AFF2: variants seen among roughly 807,000 people sequenced by gnomAD.
The protein encoded by AFF2 is AF4/FMR2 family member 2.
Under a neutral mutation model 76.9 loss-of-function variants are expected in AFF2, and 14 were observed. The ratio of observed to expected loss-of-function variants is 0.18; its 90% confidence interval spans 0.12 to 0.28. The LOEUF is 0.28. Ranked by LOEUF, AFF2 falls within the 10% of genes least tolerant of loss-of-function variation. AFF2 has a pLI of 1.00. For missense variants in AFF2, 868 were observed against 1,001.1 expected, an observed-to-expected ratio of 0.87 and a Z score of 1.79; for synonymous variants, 398 against 366.7, an observed-to-expected ratio of 1.09 and a Z score of -0.98.
chrX:148,755,808 G>T (rs931215189), intron 3 of AFF2, among the ~76,000 whole-genome samples: 6 of 111,168 alleles, frequency 5.4e-5, no homozygotes, highest in African/African-American at 2.0e-4. Context: ...CATAAATTTT[G>T]CTTGGAACAC....
chrX:148,975,535 A>T (rs781883554), intron 16 of AFF2, among the ~76,000 whole-genome samples: 1 of 112,135 alleles, frequency 8.9e-6, no homozygotes, highest in South Asian at 3.7e-4. Flanking sequence ...ATCTGAACCA[A>T]ACTGGAAGGG....
At chrX:148,732,047 C>T (rs2055226506) in intron 3 of AFF2, among the ~76,000 whole-genome samples, 1 of 69,095 alleles carries the variant, frequency 1.4e-5, no homozygotes, top group Admixed American at 1.5e-4. Context: ...CTAGAAATAC[C>T]ATTTGACCCA....
intron 7 of AFF2, among the ~76,000 whole-genome samples, chrX:148,871,708 G>C (rs2070978473): frequency 9.0e-6 from 1 of 111,175 alleles, no homozygotes; most frequent in Non-Finnish European, 1.9e-5. Flanking sequence ...CCTCAGGTTT[G>C]GAAATTCCAA....
chrX:148,760,838 G>C (rs782597070), intron 3 of AFF2, among the ~76,000 whole-genome samples: 34 of 111,855 alleles, frequency 3.0e-4, no homozygotes, highest in Non-Finnish European at 5.5e-4. Flanking sequence ...CATGTCCTTA[G>C]AATATAACTA....
intron 9 of AFF2, among the ~76,000 whole-genome samples, chrX:148,932,972 G>A (rs1032668193): frequency 5.3e-5 from 6 of 112,264 alleles, no homozygotes; most frequent in African/African-American, 1.9e-4. Flanking sequence ...CAATATGAAA[G>A]TTTAATGATA....
chrX:148,895,893 C>T (rs782383828), intron 8 of AFF2, among the ~76,000 whole-genome samples: 2 of 111,143 alleles, frequency 1.8e-5, no homozygotes, highest in Admixed American at 9.5e-5. Flanking sequence ...ATTTCTTCTC[C>T]CAGCCCTCAC....
intron 3 of AFF2, among the ~76,000 whole-genome samples, chrX:148,733,220 A>G (rs984539757): frequency 2.7e-5 from 3 of 111,606 alleles, no homozygotes; most frequent in Non-Finnish European, 5.6e-5. Flanking sequence ...GCTTGGCGTT[A>G]TGTGTTAAGA....
intron 1 of AFF2, among the ~76,000 whole-genome samples, chrX:148,579,940 C>T (rs983834529): frequency 3.6e-5 from 4 of 111,394 alleles, no homozygotes; most frequent in Non-Finnish European, 7.5e-5. Context: ...GGAGGTAGGT[C>T]AGCGTCTCTT....
At chrX:148,877,931 C>T (rs1474246857) in intron 7 of AFF2, among the ~76,000 whole-genome samples, 4 of 111,859 alleles carry the variant, frequency 3.6e-5, no homozygotes, top group African/African-American at 6.5e-5. Context: ...TAGGAGCTGA[C>T]GTGAAGAGAT....
intron 1 of AFF2, among the ~76,000 whole-genome samples, chrX:148,535,463 T>G (rs1557236444): frequency 9.0e-6 from 1 of 111,530 alleles, no homozygotes; most frequent in Non-Finnish European, 1.9e-5. Flanking sequence ...CATCTATACC[T>G]CCCACCAGTA....
intron 9 of AFF2, among the ~76,000 whole-genome samples, chrX:148,950,885 A>G (rs952631946): frequency 9.0e-6 from 1 of 111,600 alleles, no homozygotes; most frequent in Non-Finnish European, 1.9e-5. Context: ...GAGAACCAAT[A>G]TTTTTTCTAA....
chrX:148,759,646 A>G lies in AFF2; in HGVS notation c.1042-50230A>G, dbSNP rs142123137. Among the ~76,000 whole-genome samples, 754 of 112,278 alleles carry G rather than the reference A, an allele frequency of 6.7e-3. 3 individuals carry two copies. The highest frequency in any genetic ancestry group is 0.023 in the African/African-American group (713 of 30,937). On this transcript the variant is annotated intron_variant, in intron 3 of 20. Transcript: ENST00000370460. ...GCAAGCATGGTGTTGATTTTAAATC[A>G]CAGTCAGAGAAATTGGGGCTGGACA...
At chrX:148,751,553 T>C (rs1424856837) in intron 3 of AFF2, among the ~76,000 whole-genome samples, 1 of 111,989 alleles carries the variant, frequency 8.9e-6, no homozygotes, top group East Asian at 2.8e-4. Flanking sequence ...AGAAAGCACA[T>C]TACAGGATAA....
At chrX:148,689,542 G>A (rs782754302) in intron 3 of AFF2, among the ~76,000 whole-genome samples, 1 of 110,649 alleles carries the variant, frequency 9.0e-6, no homozygotes, top group Non-Finnish European at 1.9e-5. Flanking sequence ...ACCACTCCTG[G>A]GCAATGAGTT....
intron 3 of AFF2, among the ~76,000 whole-genome samples, chrX:148,700,407 G>C (rs1216622196): frequency 3.2e-5 from 3 of 94,992 alleles, no homozygotes; most frequent in African/African-American, 7.6e-5. Context: ...CAAAGGAAGG[G>C]AGTACTGTTG....
At chrX:148,932,113 T>C (rs782413867) in intron 9 of AFF2, among the ~76,000 whole-genome samples, 7 of 112,054 alleles carry the variant, frequency 6.2e-5, no homozygotes, top group Admixed American at 9.4e-5. Context: ...GAGGAATAGA[T>C]GAGACATTCT....
At chrX:148,523,751 T>C (rs542064348) in intron 1 of AFF2, among the ~76,000 whole-genome samples, 1 of 112,511 alleles carries the variant, frequency 8.9e-6, no homozygotes, top group Non-Finnish European at 1.9e-5. Flanking sequence ...TAACTGCTTT[T>C]CTTTTCTCTT....
chrX:148,888,892 C>G (rs1391382375), intron 8 of AFF2, among the ~76,000 whole-genome samples: 12 of 111,664 alleles, frequency 1.1e-4, no homozygotes, highest in Non-Finnish European at 2.1e-4. Context: ...TAAAACTGTG[C>G]TCAAGAGCCC....
At chrX:148,822,990 T>C (rs782026345) in intron 4 of AFF2, among the ~76,000 whole-genome samples, 1 of 111,464 alleles carries the variant, frequency 9.0e-6, no homozygotes, top group South Asian at 3.8e-4. Flanking sequence ...ACCTGTTGCG[T>C]TCAGAGGATA....
Sources: allele counts gnomAD v4.1 joint callset (sites outside exome capture counted in the v4.1 genomes callset), GRCh38; gene constraint gnomAD v4.1.1; transcripts MANE v1.5; gene names NCBI Gene and HGNC (gene_info 2026-07-23, HGNC 2026-07-21).